VWA3A: variants seen among roughly 807,000 people sequenced by gnomAD.
The protein encoded by VWA3A is von Willebrand factor A domain-containing protein 3A.
VWA3A carries 134 observed loss-of-function variants against 160.4 expected under a neutral mutation model. The ratio of observed to expected loss-of-function variants is 0.84; its 90% confidence interval spans 0.73 to 0.96. The LOEUF is 0.96. VWA3A is among the 40% of genes least tolerant of loss of function. The pLI, the probability that VWA3A is intolerant of heterozygous loss-of-function variation, is 0.00. For missense variants in VWA3A, 1,310 were observed against 1,447.9 expected (o/e 0.90, Z 1.55); for synonymous variants, 476 against 543.4 (o/e 0.88, Z 1.72).
chr16:22,143,749 C>CTTTT (rs555474217), intron 25 of VWA3A, among the ~76,000 whole-genome samples: 2 of 127,324 alleles, frequency 1.6e-5, no homozygotes. Context: ...TTCTTTCTTT[C>CTTTT]TTTTTTTTTT....
rs777776650 is a variant in VWA3A, at chr16:22,155,678, G to A, written c.3503+14G>A. 40 of 1,613,014 alleles carry A rather than the reference G, an allele frequency of 2.5e-5. No homozygotes were observed. The highest frequency in any genetic ancestry group is 9.3e-5 in the African/African-American group (7 of 74,970). ...CCAATCCTTCAGGTATGCCCTTCAC[G>A]CAGCCTCTCCGGCCTGCCATGTGGC... On this transcript the variant is annotated intron_variant, in intron 32 of 33. Transcript: ENST00000389398.
chr16:22,094,732 A>G (rs921073293), intron 1 of VWA3A, among the ~76,000 whole-genome samples: 3 of 152,148 alleles, frequency 2.0e-5, no homozygotes, highest in Non-Finnish European at 4.4e-5. Context: ...TTGGGAGGCC[A>G]AGGCAAGTGG....
chr16:22,142,599 A>C, intron 24 of VWA3A, 69 bp from the exon 25 acceptor site: 1 of 1,232,836 alleles, frequency 8.1e-7, no homozygotes, highest in Non-Finnish European at 1.2e-6. Flanking sequence ...ACTGGGGATC[A>C]CATTTCATGA....
chr16:22,154,441 G>A (rs2046403825), intron 31 of VWA3A, among the ~76,000 whole-genome samples: 1 of 136,310 alleles, frequency 7.3e-6, no homozygotes, highest in South Asian at 2.4e-4. Context: ...TGATTCTCAT[G>A]TCTCAGCCTC....
chr16:22,141,920 C>CA (rs1262559695), intron 24 of VWA3A, among the ~76,000 whole-genome samples: 1 of 152,188 alleles, frequency 6.6e-6, no homozygotes, highest in Non-Finnish European at 1.5e-5. Flanking sequence ...GATGAGACCT[C>CA]CTGAGATTCT....
chr16:22,136,893 A>ACACACG (rs1555459592), intron 21 of VWA3A, among the ~76,000 whole-genome samples: 20 of 98,566 alleles, frequency 2.0e-4, no homozygotes, highest in African/African-American at 9.1e-4. Context: ...ACACACACAC[A>ACACACG]CGCACACACA....
intron 17 of VWA3A, among the ~76,000 whole-genome samples, chr16:22,128,791 G>A (rs941689982): frequency 6.6e-6 from 1 of 152,154 alleles, no homozygotes; most frequent in Non-Finnish European, 1.5e-5. Context: ...AACATGGATG[G>A]AGCTGGAGGC....
rs1274643293 is a variant in VWA3A, at chr16:22,128,025, T to G, written c.1652+1728T>G. 5.9e-5 allele frequency among the ~76,000 whole-genome samples: 9 copies of G among 152,106 alleles called. No homozygotes were observed. In the East Asian group the frequency reaches 9.7e-4, roughly 16 times the overall value. ...ATGATGGGGTCCTAGGGAGAAAGGG[T>G]GTTCCAGGTAGAGGCAACAGCATGA... is the stretch of plus-strand genomic sequence containing the variant. On this transcript the variant is annotated intron_variant, in intron 17 of 33. Coordinates refer to ENST00000389398, the MANE Select transcript of VWA3A (RefSeq NM_173615.5).
chr16:22,155,256 C>T (rs901614070), intron 31 of VWA3A, among the ~76,000 whole-genome samples: 9 of 152,096 alleles, frequency 5.9e-5, no homozygotes, highest in Non-Finnish European at 2.9e-5. Context: ...GATAAGGAAA[C>T]GGTGTCATTT....
chr16:22,128,056 G>A (rs1043544630), intron 17 of VWA3A, among the ~76,000 whole-genome samples: 1 of 152,074 alleles, frequency 6.6e-6, no homozygotes, highest in Non-Finnish European at 1.5e-5. Context: ...CATGAGCAGA[G>A]GTGTGACGTA....
rs1269062039 is a variant in VWA3A at position 22,094,175 on chromosome 16, C to T, written c.14+1524C>T. Among the ~76,000 whole-genome samples the T allele has an allele frequency of 6.6e-5, 10 of 152,222 alleles. No individual in the cohort carries two copies. The South Asian group carries it at 1.0e-3, about 16-fold the overall frequency. On this transcript the variant is annotated intron_variant, in intron 1 of 33. Coordinates refer to ENST00000389398, the MANE Select transcript of VWA3A (RefSeq NM_173615.5). ...TCACCCCAGAATCTAGCCATGCAGT[C>T]CTCTGAATTCATTAAGAGCTGTTAA...
At chr16:22,099,363 A>T (rs1321182941) in intron 3 of VWA3A, among the ~76,000 whole-genome samples, 2 of 152,182 alleles carry the variant, frequency 1.3e-5, no homozygotes, top group African/African-American at 4.8e-5. Flanking sequence ...GAGGGACAAC[A>T]TAGTGCCATG....
intron 16 of VWA3A, among the ~76,000 whole-genome samples, chr16:22,124,799 C>T (rs542224950): frequency 2.2e-4 from 33 of 152,054 alleles, no homozygotes; most frequent in Non-Finnish European, 4.1e-4. Context: ...GGTTTTGTGA[C>T]TTGCCTAAGG....
intron 13 of VWA3A, 64 bp from the exon 14 acceptor site, chr16:22,121,450 A>G: frequency 7.4e-7 from 1 of 1,346,828 alleles, no homozygotes; most frequent in Non-Finnish European, 1.1e-6. Context: ...TCTCAAAAAA[A>G]TAAAAGGCTT....
Position 22,134,418 on chromosome 16 carries a change from G to T in VWA3A, c.2119G>T (p.Ala707Ser). 1 of 1,595,634 alleles carries T rather than the reference G, an allele frequency of 6.3e-7. No individual in the cohort carries two copies. The highest frequency in any genetic ancestry group is 8.5e-7 in the Non-Finnish European group (1 of 1,170,468). ...CTCCATCATGTCTGAGATGGAAAAG[G>T]CTCTCAACTACTCCCAAAAGGTATG... ...INSIMSEMEK[A>S]LNYSQKCAFL... Residue 707 changes from alanine (A) to serine (S), a missense_variant, in exon 21 of 34, where the codon GCT becomes TCT. Ala to Ser is a moderately conservative substitution (Grantham distance 99, BLOSUM62 1). Coordinates refer to ENST00000389398, the MANE Select transcript of VWA3A (RefSeq NM_173615.5).
Position 22,109,868 on chromosome 16 carries a change from G to A in VWA3A, c.582+288G>A, listed in dbSNP as rs115339277. On this transcript the variant is annotated intron_variant, in intron 7 of 33. Coordinates refer to ENST00000389398, the MANE Select transcript of VWA3A (RefSeq NM_173615.5). ...TCCCACGTTTCCCTGGAAGGAAGAT[G>A]TGAAGTCTCCTGCATAGCATAGCAC... Among the ~76,000 whole-genome samples, 824 of 152,346 alleles carry A rather than the reference G, an allele frequency of 5.4e-3. 9 individuals carry two copies. The highest frequency in any genetic ancestry group is 0.02 in the Middle Eastern group (6 of 294).
intron 3 of VWA3A, among the ~76,000 whole-genome samples, chr16:22,098,600 C>G (rs550822234): frequency 1.3e-5 from 2 of 152,104 alleles, no homozygotes; most frequent in South Asian, 2.1e-4. Flanking sequence ...TGCTCCAACA[C>G]GAAGATCTTA....
intron 9 of VWA3A, 117 bp from the exon 10 acceptor site, chr16:22,116,642 G>A: frequency 1.3e-6 from 1 of 783,920 alleles, no homozygotes. Context: ...GGTGACCTGT[G>A]ACACAGGTGG....
At position 22,131,273 on chromosome 16, in the gene VWA3A, C is replaced by T; in HGVS notation, c.1721C>T (p.Ala574Val). 3 of 1,613,900 alleles carry T rather than the reference C, an allele frequency of 1.9e-6. 1 individual carries two copies. The highest frequency in any genetic ancestry group is 2.5e-6 in the Non-Finnish European group (3 of 1,179,876). The change falls in exon 18 of 34, where the codon GCC (alanine) becomes GTC (valine). Residue 574 changes from alanine (A) to valine (V), a missense_variant. By Grantham distance (64) the Ala-to-Val change is moderately conservative (BLOSUM62 0). Transcript: ENST00000389398. The part of the protein sequence containing the change: ...VPVSHNNLQS[A>V]WRWALNLRCR... ...GTGAGTCACAACAATTTACAAAGTG[C>T]CTGGCGGTAGGTTATGGGCAGAGAC...
Sources: gnomAD v4.1 joint callset for allele counts (sites outside exome capture counted in the v4.1 genomes callset) on GRCh38, gnomAD v4.1.1 for gene constraint, MANE v1.5 for transcripts, NCBI Gene and HGNC (gene_info 2026-07-23, HGNC 2026-07-21) for gene names.